The following SMYD3 variants were observed in gnomAD, a reference collection of about 807,000 sequenced individuals.
The protein encoded by SMYD3 is SET and MYND domain containing 3.
In SMYD3, 36 loss-of-function variants were observed where a neutral mutation model predicts 57.7. The ratio of observed to expected loss-of-function variants is 0.62; its 90% CI spans 0.48 to 0.82. SMYD3 has a LOEUF of 0.82. SMYD3 is among the 40% of genes least tolerant of loss of function. SMYD3 has a pLI of 0.00. For synonymous variants in SMYD3, 211 were observed against 195.0 expected (o/e 1.08, Z -0.68); for missense variants, 515 against 538.8 (o/e 0.96, Z 0.44).
At chr1:246,353,929 A>G (rs560965952) in intron 2 of SMYD3, among the ~76,000 whole-genome samples, 181 of 152,364 alleles carry the variant, frequency 1.2e-3, no homozygotes, top group Non-Finnish European at 2.1e-3. Context: ...TGCCAGAATT[A>G]GCATGAGAAC....
intron 5 of SMYD3, among the ~76,000 whole-genome samples, chr1:246,241,376 T>C (rs1412555851): frequency 6.6e-6 from 1 of 152,218 alleles, no homozygotes; most frequent in Non-Finnish European, 1.5e-5. Context: ...TTGGTTCTGT[T>C]TATATGATGG....
At chr1:245,804,490 G>T (rs1050909102) in intron 10 of SMYD3, among the ~76,000 whole-genome samples, 3 of 151,994 alleles carry the variant, frequency 2.0e-5, no homozygotes, top group Admixed American at 6.6e-5. Flanking sequence ...CCTGGGAGGC[G>T]GAGCTTGCAT....
chr1:246,334,691 G>A (rs1455591263), intron 3 of SMYD3, among the ~76,000 whole-genome samples: 2 of 152,122 alleles, frequency 1.3e-5, no homozygotes, highest in Non-Finnish European at 2.9e-5. Flanking sequence ...TAACAAATCT[G>A]CACATGTACC....
chr1:246,307,463 A>G (rs1572361508), intron 5 of SMYD3, among the ~76,000 whole-genome samples: 1 of 122,036 alleles, frequency 8.2e-6, no homozygotes, highest in Non-Finnish European at 1.6e-5. Flanking sequence ...TCTGTCGCCC[A>G]GGCTGGAGTG....
chr1:246,225,912 A>G lies in SMYD3; in HGVS notation c.531+101289T>C, dbSNP rs532689887. 7.4e-4 allele frequency among the ~76,000 whole-genome samples: 113 copies of G among 152,356 alleles called. 1 individual carries two copies. Among genetic ancestry groups the G allele is most frequent in the African/African-American group, 2.6e-3 (108 of 41,582 alleles). ...TATCTCAAAGAACACAATACAAAAG[A>G]TGTAAGATGCTCTTCTAACTGGAAA... On this transcript the variant is annotated intron_variant, in intron 5 of 11. Coordinates refer to ENST00000490107, the MANE Select transcript of SMYD3 (RefSeq NM_001167740.2).
intron 5 of SMYD3, among the ~76,000 whole-genome samples, chr1:245,989,604 C>A (rs2058774024): frequency 6.6e-6 from 1 of 152,244 alleles, no homozygotes; most frequent in African/African-American, 2.4e-5. Context: ...GAAGCAAACA[C>A]AACGAAGGCT....
chr1:245,852,575 T>C (rs2051033114), intron 10 of SMYD3, among the ~76,000 whole-genome samples: 1 of 152,150 alleles, frequency 6.6e-6, no homozygotes, highest in Non-Finnish European at 1.5e-5. Flanking sequence ...TCCATAAAAG[T>C]AAAACATAAG....
In SMYD3 at chr1:245,915,597, C is replaced by A. The variant is rs781096043; in HGVS notation, c.746G>T (p.Arg249Leu). ...GTACTGGTCCCTCAGCTGCTTCCGG[C>A]GCTCCTCACTGGTCATCAGCATATC... ...YLDMLMTSEE[R>L]RKQLRDQYCF... The change falls in exon 8 of 12, where the codon CGC (arginine) becomes CTC (leucine). Residue 249 changes from arginine (R) to leucine (L), a missense_variant. Physicochemically the swap from Arg to Leu is moderately radical, Grantham distance 102 (BLOSUM62 -2). Transcript: ENST00000490107. 6.2e-7 allele frequency: 1 copy of A among 1,613,974 alleles called. No individual in the cohort carries two copies. Among genetic ancestry groups the A allele is most frequent in the East Asian group, 2.2e-5 (1 of 44,874 alleles).
At chr1:245,847,284 C>T (rs929196086) in intron 10 of SMYD3, among the ~76,000 whole-genome samples, 4 of 152,170 alleles carry the variant, frequency 2.6e-5, no homozygotes, top group Admixed American at 1.3e-4. Flanking sequence ...ATGCCATTAT[C>T]CTTCTCTACA....
chr1:246,438,570 C>T (rs2067415975), intron 1 of SMYD3, among the ~76,000 whole-genome samples: 1 of 152,104 alleles, frequency 6.6e-6, no homozygotes, highest in African/African-American at 2.4e-5. Flanking sequence ...TCCATGGATG[C>T]TCAAGTCCCT....
rs186116720 is a variant in SMYD3 at position 246,157,908 on chromosome 1, C to A, written c.531+169293G>T. Among the ~76,000 whole-genome samples the A allele has an allele frequency of 4.6e-5, 7 of 152,312 alleles. No homozygotes were observed. The East Asian group carries it at 1.2e-3, about 25-fold the overall frequency. ...ATAAAGAAGTATGTTGCCAGTGAGA[C>A]CCCACTAGGTTGAAGATTGCAGGAA... is the stretch of plus-strand genomic sequence containing the variant. On this transcript the variant is annotated intron_variant, in intron 5 of 11. Coordinates refer to ENST00000490107, the MANE Select transcript of SMYD3 (RefSeq NM_001167740.2).
intron 5 of SMYD3, among the ~76,000 whole-genome samples, chr1:246,097,311 A>G (rs142213756): frequency 1.3e-5 from 2 of 152,204 alleles, no homozygotes; most frequent in East Asian, 3.9e-4. Flanking sequence ...TCCCTGTTCT[A>G]TGCCTCACTC....
chr1:246,183,988 T>C (rs2062593848), intron 5 of SMYD3, among the ~76,000 whole-genome samples: 1 of 152,162 alleles, frequency 6.6e-6, no homozygotes, highest in African/African-American at 2.4e-5. Context: ...GAAAAGACAT[T>C]AGGCATGGAA....
At chr1:245,805,440 A>T (rs910536236) in intron 10 of SMYD3, among the ~76,000 whole-genome samples, 5 of 152,250 alleles carry the variant, frequency 3.3e-5, no homozygotes, top group Non-Finnish European at 7.3e-5. Context: ...AACAGTACTC[A>T]ATGTTTCTAA....
At chr1:246,462,343 C>T (rs1189326626) in intron 1 of SMYD3, among the ~76,000 whole-genome samples, 2 of 152,074 alleles carry the variant, frequency 1.3e-5, no homozygotes, top group Non-Finnish European at 2.9e-5. Flanking sequence ...TGCTGCAGGA[C>T]CCCATGCCTA....
chr1:246,229,728 T>C (rs755867284), intron 5 of SMYD3, among the ~76,000 whole-genome samples: 102 of 152,278 alleles, frequency 6.7e-4, no homozygotes, highest in Non-Finnish European at 1.2e-3. Flanking sequence ...TTGACACCAA[T>C]CCCACCCATG....
At chr1:246,240,566 C>A (rs192025128) in intron 5 of SMYD3, among the ~76,000 whole-genome samples, 24 of 148,622 alleles carry the variant, frequency 1.6e-4, no homozygotes, top group African/African-American at 6.1e-4. Context: ...ATTGTCTTGG[C>A]AATAAGGGCT....
chr1:246,405,771 G>A (rs565276259), intron 1 of SMYD3, among the ~76,000 whole-genome samples: 7 of 152,004 alleles, frequency 4.6e-5, no homozygotes, highest in African/African-American at 7.2e-5. Flanking sequence ...TTAGCCGGGC[G>A]TGGTGGCGGG....
chr1:245,950,041 T>C (rs147122060), intron 5 of SMYD3, among the ~76,000 whole-genome samples: 37 of 151,978 alleles, frequency 2.4e-4, no homozygotes, highest in Non-Finnish European at 4.1e-4. Context: ...GAAGAAGCAA[T>C]TGTTAGACCA....
Sources: allele counts gnomAD v4.1 joint callset (sites outside exome capture counted in the v4.1 genomes callset), GRCh38; gene constraint gnomAD v4.1.1; transcripts MANE v1.5; gene names NCBI Gene and HGNC (gene_info 2026-07-23, HGNC 2026-07-21).